The following NR1H2 variants were observed in gnomAD, a reference collection of about 807,000 sequenced individuals.
NR1H2 encodes oxysterols receptor LXR-beta.
A neutral mutation model predicts 51.2 loss-of-function variants in NR1H2; 33 were observed. The ratio of observed to expected loss-of-function variants is 0.64; its 90% CI spans 0.49 to 0.86. NR1H2 has a LOEUF of 0.86. NR1H2 is among the 40% of genes least tolerant of loss of function. The pLI is 0.00. For missense variants in NR1H2, 592 were observed against 639.9 expected (o/e 0.93, Z 0.81); for synonymous variants, 310 against 264.3 (o/e 1.17, Z -1.68).
intron 9 of NR1H2, 57 bp downstream of exon 9, chr19:50,382,231 C>A: frequency 6.9e-7 from 1 of 1,456,978 alleles, no homozygotes; most frequent in South Asian, 1.4e-5. Context: ...CCCACGTGGT[C>A]CGTTCAGGCT....
chr19:50,382,656 C>G lies in NR1H2; in HGVS notation c.*54C>G. ...GCCTGACCACCCTCCAGCAGATAGACGCCGGCACCCCTTCCTCTTCCTAGG... is the reference window on the plus strand; with the variant it reads ...GCCTGACCACCCTCCAGCAGATAGAGGCCGGCACCCCTTCCTCTTCCTAGG... On this transcript the variant is annotated 3_prime_UTR_variant, in exon 10 of 10. Coordinates refer to ENST00000253727, the MANE Select transcript of NR1H2 (RefSeq NM_007121.7). 1.3e-6 allele frequency: 2 copies of G among 1,491,442 alleles called. No individual in the cohort carries two copies. Among genetic ancestry groups the G allele is most frequent in the East Asian group, 4.6e-5 (2 of 43,288 alleles). The allele number at this position is 1,491,442 out of a possible 1,614,324, so 92.4% of individuals were successfully genotyped here.
Position 50,379,052 on chromosome 19 carries a change from C to T in NR1H2, c.798C>T (p.Arg266=), listed in dbSNP as rs759646762. 24 of 1,613,784 alleles carry T rather than the reference C, an allele frequency of 1.5e-5. No homozygotes were observed. The highest frequency in any genetic ancestry group is 1.9e-5 in the Non-Finnish European group (22 of 1,180,010). The change falls in exon 7 of 10, where the codon CGC becomes CGT. Residue 266 remains arginine, a synonymous_variant. Coordinates refer to ENST00000253727, the MANE Select transcript of NR1H2 (RefSeq NM_007121.7). ...AGTCCCGAGATGCCCGCCAGCAACGCTTTGCCCACTTCACGGAGCTGGCCA... is the reference window on the plus strand; with the variant it reads ...AGTCCCGAGATGCCCGCCAGCAACGTTTTGCCCACTTCACGGAGCTGGCCA... The part of the protein sequence containing the change: ...DPQSRDARQQ[R]FAHFTELAII...
chr19:50,379,077 A>G lies in NR1H2; in HGVS notation c.823A>G (p.Ile275Val). 1 of 1,614,042 alleles carries G rather than the reference A, an allele frequency of 6.2e-7. No homozygotes were observed. The highest frequency in any genetic ancestry group is 8.5e-7 in the Non-Finnish European group (1 of 1,180,002). ...CTTTGCCCACTTCACGGAGCTGGCC[A>G]TCATCTCAGTCCAGGAGATCGTGGA... Reference protein sequence around the residue: ...QRFAHFTELAIISVQEIVDFA... With the variant: ...QRFAHFTELAVISVQEIVDFA... Residue 275 changes from isoleucine (I) to valine (V), a missense_variant, in exon 7 of 10, where the codon ATC becomes GTC. By Grantham distance (29) the Ile-to-Val change is conservative. Coordinates refer to ENST00000253727, the MANE Select transcript of NR1H2 (RefSeq NM_007121.7).
At position 50,381,990 on chromosome 19, in the gene NR1H2, C is replaced by A. The variant is rs755515482; in HGVS notation, c.1052C>A (p.Pro351His). The change falls in exon 9 of 10, where the codon CCC becomes CAC. Residue 351 changes from proline (P) to histidine (H), a missense_variant. Physicochemically the swap from Pro to His is moderately conservative, Grantham distance 77. Coordinates refer to ENST00000253727, the MANE Select transcript of NR1H2 (RefSeq NM_007121.7). ...RAGLQVEFIN[P>H]IFEFSRAMRR... ...GGCCTGCAGGTGGAGTTCATCAACC[C>A]CATCTTCGAGTTCTCGCGGGCCATG... 6.4e-7 allele frequency: 1 copy of A among 1,562,710 alleles called. No individual in the cohort carries two copies. Among genetic ancestry groups the A allele is most frequent in the Non-Finnish European group, 8.7e-7 (1 of 1,153,008 alleles).
Position 50,382,731 on chromosome 19 carries a change from T to A in NR1H2, c.*129T>A. On this transcript the variant is annotated 3_prime_UTR_variant, in exon 10 of 10. Transcript: ENST00000253727. ...TGTAGACCTATCGGCTCTCATCCCT[T>A]GGGATAAGCCCCAGTCCAGGTCCAG... 1 of 997,034 alleles carries A rather than the reference T, an allele frequency of 1.0e-6. No homozygotes were observed. The highest frequency in any genetic ancestry group is 2.7e-5 in the East Asian group (1 of 37,628). The allele number at this position is 997,034 out of a possible 1,614,324, so 61.8% of individuals were successfully genotyped here. A position where few individuals can be genotyped will look rare whatever the true frequency, so the allele number is the denominator to read the frequency against.
intron 9 of NR1H2, 24 bp downstream of exon 9, chr19:50,382,198 GC>G (rs2037781316): frequency 2.0e-6 from 3 of 1,504,230 alleles, no homozygotes; most frequent in Non-Finnish European, 2.7e-6. Flanking sequence ...GAGCCTCTGC[GC>G]AGAGCCAACT....
intron 8 of NR1H2, 149 bp from the exon 9 acceptor site, chr19:50,381,817 T>C (rs1373399396): frequency 3.0e-6 from 2 of 677,416 alleles, no homozygotes; most frequent in East Asian, 2.8e-5. Context: ...CCAGCACTCA[T>C]GGGCACGGGG....
intron 9 of NR1H2, 84 bp from the exon 10 acceptor site, chr19:50,382,372 G>A: frequency 6.7e-7 from 1 of 1,501,384 alleles, no homozygotes; most frequent in Non-Finnish European, 8.9e-7. Context: ...TGGTCGGGGA[G>A]GGGCCCTCCT....
chr19:50,378,914 C>T (rs79719133), intron 6 of NR1H2, 88 bp from the exon 7 acceptor site: 13 of 1,545,654 alleles, frequency 8.4e-6, no homozygotes, highest in Middle Eastern at 1.8e-4. Context: ...GGAAGAGGAT[C>T]CCCCAGGGTG....
chr19:50,379,565 G>T (rs1363206353), intron 7 of NR1H2, among the ~76,000 whole-genome samples: 1 of 152,200 alleles, frequency 6.6e-6, no homozygotes, highest in Non-Finnish European at 1.5e-5. Flanking sequence ...AGTATCCTAA[G>T]GAGATGGGGA....
In NR1H2 at chr19:50,378,303, G is replaced by T; in HGVS notation, c.336G>T (p.Arg112=). 2 of 1,613,252 alleles carry T rather than the reference G, an allele frequency of 1.2e-6. No individual in the cohort carries two copies. Among genetic ancestry groups the T allele is most frequent in the Non-Finnish European group, 1.7e-6 (2 of 1,180,026 alleles). The change falls in exon 5 of 10, where the codon CGG becomes CGT. Residue 112 remains arginine, a synonymous_variant. Coordinates refer to ENST00000253727, the MANE Select transcript of NR1H2 (RefSeq NM_007121.7). ...LSCEGCKGFF[R]RSVVRGGARR... Reference sequence around the variant, plus strand: ...GCGAAGGCTGCAAGGGCTTCTTCCGGCGCAGTGTGGTCCGTGGTGGGGCCA... The same window carrying T: ...GCGAAGGCTGCAAGGGCTTCTTCCGTCGCAGTGTGGTCCGTGGTGGGGCCA...
At position 50,378,232 on chromosome 19, in the gene NR1H2, G is replaced by A; in HGVS notation, c.265G>A (p.Val89Ile). Residue 89 changes from valine to isoleucine, a missense_variant, in exon 5 of 10, where the codon GTC (valine) becomes ATC (isoleucine). This residue lies in a region of NR1H2 where 316 missense variants were observed against 313.4 expected (regional missense o/e 1.01). Transcript: ENST00000253727. Reference sequence around the variant, plus strand: ...GATGCTGGGCCACGAGCTTTGCCGTGTCTGTGGGGACAAGGCCTCCGGCTT... The same window carrying A: ...GATGCTGGGCCACGAGCTTTGCCGTATCTGTGGGGACAAGGCCTCCGGCTT... ...PKMLGHELCR[V>I]CGDKASGFHY... 1 of 1,613,590 alleles carries A rather than the reference G, an allele frequency of 6.2e-7. No individual in the cohort carries two copies.
intron 2 of NR1H2, 91 bp from the exon 3 acceptor site, chr19:50,377,495 GA>G (rs931862223): frequency 6.0e-5 from 60 of 1,002,380 alleles, no homozygotes; most frequent in Admixed American, 1.2e-4. Context: ...TGGAGAGATG[GA>G]AAAAAAAGGG....
chr19:50,377,883 C>A lies in NR1H2; in HGVS notation c.181+13C>A. ...AGCACAGACTGGGGTGAGACAGGGC[C>A]CTGGAGTTGATGTGGGGGCTTGGGG... On this transcript the variant is annotated intron_variant, in intron 4 of 9. Transcript: ENST00000253727. 1 of 1,533,156 alleles carries A rather than the reference C, an allele frequency of 6.5e-7. No individual in the cohort carries two copies. The highest frequency in any genetic ancestry group is 8.7e-7 in the Non-Finnish European group (1 of 1,144,660). The allele number at this position is 1,533,156 out of a possible 1,614,324, so 95.0% of individuals were successfully genotyped here.
rs2037775393 is a variant in NR1H2 at position 50,382,022 on chromosome 19, C to T, written c.1084C>T (p.Leu362=). 1 of 1,568,626 alleles carries T rather than the reference C, an allele frequency of 6.4e-7. No individual in the cohort carries two copies. The highest frequency in any genetic ancestry group is 1.2e-5 in the South Asian group (1 of 85,684). The part of the protein sequence containing the change: ...IFEFSRAMRR[L]GLDDAEYALL... ...CGAGTTCTCGCGGGCCATGCGGCGGCTGGGCCTGGACGACGCTGAGTACGC... is the reference window on the plus strand; with the variant it reads ...CGAGTTCTCGCGGGCCATGCGGCGGTTGGGCCTGGACGACGCTGAGTACGC... Residue 362 remains leucine (L), a synonymous_variant, in exon 9 of 10, where the codon CTG becomes TTG. Transcript: ENST00000253727.
rs773938956 is a variant in NR1H2 at position 50,378,793 on chromosome 19, C to T, written c.744C>T (p.Val248=). 1.2e-6 allele frequency: 2 copies of T among 1,612,912 alleles called. No individual in the cohort carries two copies. The highest frequency in any genetic ancestry group is 4.5e-5 in the East Asian group (2 of 44,882). Residue 248 remains valine, a synonymous_variant, in exon 6 of 10, where the codon GTC becomes GTT. Coordinates refer to ENST00000253727, the MANE Select transcript of NR1H2 (RefSeq NM_007121.7). ...NKRSFSDQPK[V]TPWPLGADPQ... ...GCTCCTTCTCCGACCAGCCCAAAGT[C>T]ACGGTACTGCCCCCTCCACAACCTT...
rs956541616 is a variant in NR1H2, at chr19:50,377,776, T to C, written c.87T>C (p.Thr29=). ...PQPGAPSSSP[T]VKEEGPEPWP... is the part of the protein sequence containing the mutation. Reference sequence around the variant, plus strand: ...CTGGCGCCCCTTCTTCTTCACCCACTGTAAAGGAGGAGGGTCCGGAGCCGT... The same window carrying C: ...CTGGCGCCCCTTCTTCTTCACCCACCGTAAAGGAGGAGGGTCCGGAGCCGT... The change falls in exon 4 of 10, where the codon ACT becomes ACC. Residue 29 remains threonine (T), a synonymous_variant. Transcript: ENST00000253727. 1.9e-6 allele frequency: 3 copies of C among 1,610,440 alleles called. No homozygotes were observed. Among genetic ancestry groups the C allele is most frequent in the African/African-American group, 1.3e-5 (1 of 74,602 alleles).
chr19:50,379,561 C>T (rs1601141824), intron 7 of NR1H2, among the ~76,000 whole-genome samples: 2 of 152,200 alleles, frequency 1.3e-5, no homozygotes, highest in East Asian at 1.9e-4. Context: ...AAAGAGTATC[C>T]TAAGGAGATG....
intron 8 of NR1H2, 92 bp from the exon 9 acceptor site, chr19:50,381,874 C>A: frequency 8.9e-7 from 1 of 1,128,118 alleles, no homozygotes; most frequent in Non-Finnish European, 1.3e-6. Flanking sequence ...CTGCTGTGTT[C>A]CCAGCCCCAG....
Sources: gnomAD v4.1 joint callset for allele counts (sites outside exome capture counted in the v4.1 genomes callset) on GRCh38, gnomAD v4.1.1 for gene constraint, gnomAD v4.1.1 regional missense constraint, MANE v1.5 for transcripts, NCBI Gene and HGNC (gene_info 2026-07-23, HGNC 2026-07-21) for gene names.